Variants in STX8 observed in about 807,000 individuals in gnomAD.
STX8 encodes the protein syntaxin-8.
In STX8, 23 loss-of-function variants were observed where a neutral mutation model predicts 37.5. That is an observed-to-expected ratio of 0.61 (90% CI 0.44 to 0.87). The LOEUF is 0.87. STX8 is among the 40% of genes least tolerant of loss of function. The pLI, the probability that STX8 is intolerant of heterozygous loss-of-function variation, is 0.00. For missense variants in STX8, 313 were observed against 284.7 expected (o/e 1.10, Z -0.71); for synonymous variants, 115 against 99.1 (o/e 1.16, Z -0.95).
chr17:9,333,877 T>C (rs575068199), intron 7 of STX8, among the ~76,000 whole-genome samples: 119 of 152,304 alleles, frequency 7.8e-4, no homozygotes, highest in African/African-American at 2.7e-3. Flanking sequence ...GGGTTCACCT[T>C]ACCTGCTGCC....
chr17:9,321,741 A>C (rs1909585143), intron 7 of STX8, among the ~76,000 whole-genome samples: 1 of 151,998 alleles, frequency 6.6e-6, no homozygotes, highest in African/African-American at 2.4e-5. Flanking sequence ...GCTGTTCTCA[A>C]ACTCCTGACC....
intron 4 of STX8, among the ~76,000 whole-genome samples, chr17:9,538,745 C>A (rs1283462495): frequency 6.6e-6 from 1 of 152,290 alleles, no homozygotes; most frequent in Non-Finnish European, 1.5e-5. Flanking sequence ...TCCCTATAAT[C>A]CTCTACAGAG....
chr17:9,365,104 A>G (rs1567798956), intron 7 of STX8, among the ~76,000 whole-genome samples: 4 of 152,178 alleles, frequency 2.6e-5, no homozygotes, highest in African/African-American at 9.7e-5. Context: ...GCCTAGATAG[A>G]TATGAGAAAG....
chr17:9,551,892 AG>A (rs541617389), intron 3 of STX8, among the ~76,000 whole-genome samples: 11 of 151,088 alleles, frequency 7.3e-5, no homozygotes, highest in South Asian at 4.2e-4. Context: ...CAAAAAAACT[AG>A]GGGGGGGTGT....
intron 4 of STX8, among the ~76,000 whole-genome samples, chr17:9,512,171 G>C (rs1905035711): frequency 6.6e-6 from 1 of 152,108 alleles, no homozygotes; most frequent in Admixed American, 6.6e-5. Flanking sequence ...ACTACCCAAA[G>C]CAATCTACAG....
At chr17:9,430,853 G>A (rs1277885553) in intron 6 of STX8, among the ~76,000 whole-genome samples, 1 of 152,094 alleles carries the variant, frequency 6.6e-6, no homozygotes, top group Non-Finnish European at 1.5e-5. Flanking sequence ...ATTTCACCAT[G>A]TTAGCCAGGA....
intron 7 of STX8, among the ~76,000 whole-genome samples, chr17:9,297,580 T>C (rs1908611646): frequency 6.6e-6 from 1 of 152,200 alleles, no homozygotes; most frequent in African/African-American, 2.4e-5. Flanking sequence ...TCAATAAATG[T>C]TTGTTAGCCG....
chr17:9,364,327 A>T (rs1171283553), intron 7 of STX8, among the ~76,000 whole-genome samples: 1 of 152,106 alleles, frequency 6.6e-6, no homozygotes, highest in Non-Finnish European at 1.5e-5. Context: ...ATACCATTTC[A>T]CTACTTAGTA....
At position 9,419,489 on chromosome 17, in the gene STX8, C is replaced by CATGG. The variant is rs1420478752; in HGVS notation, c.542-40840_542-40837dup. ...AGTGGACTACAGATCCCAGAAAATACATGGAACCAGTTGGATCATTCACAA... is the reference window on the plus strand; with the variant it reads ...AGTGGACTACAGATCCCAGAAAATACATGGATGGAACCAGTTGGATCATTCACAA... On this transcript the variant is annotated intron_variant, in intron 6 of 7. Transcript: ENST00000306357. Among the ~76,000 whole-genome samples, 4 of 152,268 alleles carry CATGG rather than the reference C, an allele frequency of 2.6e-5. No individual in the cohort carries two copies. The East Asian group carries it at 7.7e-4, about 29-fold the overall frequency.
chr17:9,381,098 C>T (rs1225016243), intron 6 of STX8, among the ~76,000 whole-genome samples: 7 of 152,212 alleles, frequency 4.6e-5, no homozygotes, highest in Admixed American at 4.6e-4. Context: ...CCATACCATA[C>T]ATATAGCCTA....
intron 4 of STX8, among the ~76,000 whole-genome samples, chr17:9,519,607 AC>A (rs1232885803): frequency 2.0e-5 from 3 of 151,820 alleles, no homozygotes; most frequent in African/African-American, 7.3e-5. Flanking sequence ...CAGAGATCTC[AC>A]CCTATCACTT....
At chr17:9,574,536 T>G (rs1198820251) in intron 1 of STX8, among the ~76,000 whole-genome samples, 3 of 62,804 alleles carry the variant, frequency 4.8e-5, no homozygotes, top group Non-Finnish European at 3.9e-5. Flanking sequence ...GATTTTGGGG[T>G]TTTTTATTTT....
intron 7 of STX8, among the ~76,000 whole-genome samples, chr17:9,315,335 G>A (rs1273767857): frequency 6.7e-6 from 1 of 150,292 alleles, no homozygotes; most frequent in Non-Finnish European, 1.5e-5. Context: ...TTGCTCCACT[G>A]CTGATTTACC....
intron 4 of STX8, among the ~76,000 whole-genome samples, chr17:9,506,733 C>G (rs1002624382): frequency 6.6e-5 from 10 of 152,090 alleles, no homozygotes; most frequent in African/African-American, 2.4e-4. Context: ...AAGTTCTGAG[C>G]CCAGTTTGGA....
chr17:9,347,568 T>A (rs1910575561), intron 7 of STX8, among the ~76,000 whole-genome samples: 1 of 152,172 alleles, frequency 6.6e-6, no homozygotes. Flanking sequence ...CAGACTGGAG[T>A]GCAGTGGCAC....
At chr17:9,351,193 T>TC (rs1466709713) in intron 7 of STX8, among the ~76,000 whole-genome samples, 7 of 147,088 alleles carry the variant, frequency 4.8e-5, no homozygotes, top group African/African-American at 1.8e-4. Context: ...TTTTTTTTTT[T>TC]TTTTTTGAGA....
At chr17:9,518,824 G>A (rs1242623965) in intron 4 of STX8, among the ~76,000 whole-genome samples, 2 of 150,672 alleles carry the variant, frequency 1.3e-5, no homozygotes, top group African/African-American at 2.5e-5. Flanking sequence ...AGCCGAGATC[G>A]TGCCACTGCA....
At chr17:9,342,623 C>T (rs962940319) in intron 7 of STX8, among the ~76,000 whole-genome samples, 2 of 151,922 alleles carry the variant, frequency 1.3e-5, no homozygotes, top group African/African-American at 2.4e-5. Flanking sequence ...GTGTGTGTGG[C>T]GCGTGTGTTT....
At chr17:9,423,250 T>A (rs907972027) in intron 6 of STX8, among the ~76,000 whole-genome samples, 1 of 152,208 alleles carries the variant, frequency 6.6e-6, no homozygotes, top group Non-Finnish European at 1.5e-5. Context: ...ATGAGGAAAC[T>A]ATGGTCTGTT....
Sources: gnomAD v4.1 joint callset for allele counts (sites outside exome capture counted in the v4.1 genomes callset) on GRCh38, gnomAD v4.1.1 for gene constraint, MANE v1.5 for transcripts, NCBI Gene and HGNC (gene_info 2026-07-23, HGNC 2026-07-21) for gene names.